The following PID1 variants were observed in gnomAD, a reference collection of about 807,000 sequenced individuals.
PID1 encodes PTB-containing, cubilin and LRP1-interacting protein.
A neutral mutation model predicts 19.1 loss-of-function variants in PID1; 10 were observed. That is an observed-to-expected ratio of 0.52 (90% CI 0.32 to 0.89). PID1 has a LOEUF of 0.89. PID1 is among the 40% of genes least tolerant of loss of function. The pLI is 0.03. For synonymous variants in PID1, 130 were observed against 116.0 expected, an observed-to-expected ratio of 1.12 and a Z score of -0.78; for missense variants, 248 against 285.3, an observed-to-expected ratio of 0.87 and a Z score of 0.94.
chr2:229,074,886 G>C (rs1694526820), intron 2 of PID1, among the ~76,000 whole-genome samples: 2 of 152,160 alleles, frequency 1.3e-5, no homozygotes, highest in Non-Finnish European at 2.9e-5. Flanking sequence ...GACAAAACTA[G>C]TTCGACCAAT....
intron 1 of PID1, among the ~76,000 whole-genome samples, chr2:229,257,369 A>G (rs148040118): frequency 8.5e-5 from 13 of 152,208 alleles, no homozygotes; most frequent in African/African-American, 3.1e-4. Context: ...TTGTGTGCAC[A>G]TCCTTTGCCC....
intron 2 of PID1, among the ~76,000 whole-genome samples, chr2:229,149,032 A>AAT (rs71793691): frequency 0.069 from 10,185 of 147,100 alleles, 411 homozygotes; most frequent in African/African-American, 0.088. Flanking sequence ...GCTTGAATCT[A>AAT]ATATATATAT....
At chr2:229,095,874 A>C (rs1694962835) in intron 2 of PID1, among the ~76,000 whole-genome samples, 1 of 152,170 alleles carries the variant, frequency 6.6e-6, no homozygotes, top group South Asian at 2.1e-4. Context: ...AGATTTTCTG[A>C]TAATTACTGG....
intron 1 of PID1, among the ~76,000 whole-genome samples, chr2:229,250,838 G>A (rs1211315668): frequency 6.6e-6 from 1 of 152,132 alleles, no homozygotes; most frequent in Non-Finnish European, 1.5e-5. Flanking sequence ...AGTTTCCCCT[G>A]TAGTAACATG....
At chr2:229,149,032 A>T (rs1559257121) in intron 2 of PID1, among the ~76,000 whole-genome samples, 1 of 147,146 alleles carries the variant, frequency 6.8e-6, no homozygotes, top group East Asian at 2.0e-4. Flanking sequence ...GCTTGAATCT[A>T]ATATATATAT....
intron 2 of PID1, among the ~76,000 whole-genome samples, chr2:229,119,731 G>A (rs900313243): frequency 5.3e-5 from 8 of 152,182 alleles, no homozygotes; most frequent in Admixed American, 3.9e-4. Context: ...CTGATCAAAC[G>A]TTTGTTTCTG....
intron 2 of PID1, among the ~76,000 whole-genome samples, chr2:229,154,605 C>A (rs560956976): frequency 1.3e-3 from 193 of 152,240 alleles, no homozygotes; most frequent in African/African-American, 4.5e-3. Context: ...TTTGTGCATA[C>A]CACCATCACC....
intron 2 of PID1, among the ~76,000 whole-genome samples, chr2:229,061,464 T>C (rs1694210694): frequency 6.6e-6 from 1 of 152,060 alleles, no homozygotes; most frequent in African/African-American, 2.4e-5. Context: ...CATTAGCCAA[T>C]GTATCTCTTT....
intron 2 of PID1, among the ~76,000 whole-genome samples, chr2:229,052,363 G>A (rs1234324061): frequency 6.6e-6 from 1 of 152,000 alleles, no homozygotes; most frequent in Non-Finnish European, 1.5e-5. Flanking sequence ...TTATAATACT[G>A]GATATAGGGG....
At chr2:229,249,078 A>C (rs961381016) in intron 1 of PID1, among the ~76,000 whole-genome samples, 15 of 152,180 alleles carry the variant, frequency 9.9e-5, no homozygotes, top group African/African-American at 2.9e-4. Flanking sequence ...TTATATTTTT[A>C]ATTAATTGCC....
intron 1 of PID1, among the ~76,000 whole-genome samples, chr2:229,270,141 A>G (rs1452946403): frequency 6.6e-6 from 1 of 152,252 alleles, no homozygotes; most frequent in Non-Finnish European, 1.5e-5. Context: ...AAAGTTTACT[A>G]CGAAACAATG....
rs1249833352 is a variant in PID1, at chr2:229,072,590, A to C, written c.178-46482T>G. Among the ~76,000 whole-genome samples, 9 of 127,718 alleles carry C rather than the reference A, an allele frequency of 7.0e-5. No homozygotes were observed. The East Asian group carries it at 2.8e-3, about 40-fold the overall frequency. The allele number at this position is 127,718 out of a possible 152,430, so 83.8% of individuals were successfully genotyped here. ...GCGACAGAGTGAGACTCCGTCTCAAAAAAGAAAAAAAAAAAAAAGATAAAT... is the reference window on the plus strand; with the variant it reads ...GCGACAGAGTGAGACTCCGTCTCAACAAAGAAAAAAAAAAAAAAGATAAAT... On this transcript the variant is annotated intron_variant, in intron 2 of 2. Transcript: ENST00000392055.
rs1395886567 is a variant in PID1 at position 229,155,803 on chromosome 2, C to T, written c.177+15G>A. 2 of 1,597,244 alleles carry T rather than the reference C, an allele frequency of 1.3e-6. No individual in the cohort carries two copies. The highest frequency in any genetic ancestry group is 2.2e-5 in the East Asian group (1 of 44,498). ...ATCTCACCAAGAGAACCCCTGCTGG[C>T]CACGTGCCCCATACCTTGCAGCCAC... On this transcript the variant is annotated intron_variant, in intron 2 of 2. Transcript: ENST00000392055.
At chr2:229,251,125 C>T (rs558097950) in intron 1 of PID1, among the ~76,000 whole-genome samples, 6 of 152,182 alleles carry the variant, frequency 3.9e-5, no homozygotes, top group African/African-American at 9.6e-5. Context: ...AAAATGTTGC[C>T]GACCCACACA....
chr2:229,028,930 G>A (rs28655224), intron 2 of PID1, among the ~76,000 whole-genome samples: 47,443 of 151,678 alleles, frequency 0.31, 7,826 homozygotes, highest in African/African-American at 0.4. Flanking sequence ...ACTAATAAGC[G>A]GCTCACTCAA....
At chr2:229,059,352 T>G (rs1237278450) in intron 2 of PID1, among the ~76,000 whole-genome samples, 1 of 152,260 alleles carries the variant, frequency 6.6e-6, no homozygotes, top group Non-Finnish European at 1.5e-5. Context: ...GAAACATCAG[T>G]ATATCTTAGC....
chr2:229,202,843 A>T (rs1182618706), intron 1 of PID1, among the ~76,000 whole-genome samples: 1 of 152,132 alleles, frequency 6.6e-6, no homozygotes, highest in Non-Finnish European at 1.5e-5. Flanking sequence ...CAGAGCTCAG[A>T]ATAACAGATA....
chr2:229,150,790 G>T (rs1343523930), intron 2 of PID1, among the ~76,000 whole-genome samples: 1 of 150,414 alleles, frequency 6.6e-6, no homozygotes, highest in Non-Finnish European at 1.5e-5. Flanking sequence ...TGGGCATTTT[G>T]TGTTGGTTAT....
At chr2:229,154,312 T>C (rs969589029) in intron 2 of PID1, among the ~76,000 whole-genome samples, 1 of 151,836 alleles carries the variant, frequency 6.6e-6, no homozygotes, top group Non-Finnish European at 1.5e-5. Flanking sequence ...AGTTCTCAGG[T>C]ACACTGGCCC....
Sources: allele counts gnomAD v4.1 joint callset (sites outside exome capture counted in the v4.1 genomes callset), GRCh38; gene constraint gnomAD v4.1.1; transcripts MANE v1.5; gene names NCBI Gene and HGNC (gene_info 2026-07-23, HGNC 2026-07-21).